Variants in LGSN observed in about 807,000 individuals in gnomAD.
LGSN encodes lengsin, lens protein with glutamine synthetase domain.
A neutral mutation model predicts 19.5 loss-of-function variants in LGSN; 21 were observed. That is an observed-to-expected ratio of 1.07 (90% CI 0.76 to 1.55). LGSN has a LOEUF of 1.55. Ranked by LOEUF, LGSN falls within the 40% of genes most tolerant of loss-of-function variation. LGSN has a pLI of 0.00. For missense variants in LGSN, 673 were observed against 608.5 expected (o/e 1.11, Z -1.12); for synonymous variants, 257 against 215.6 (o/e 1.19, Z -1.68).
the LGSN span, among the ~76,000 whole-genome samples, chr6:63,554,339 T>C: frequency 6.6e-6 from 1 of 152,170 alleles, no homozygotes. Context: ...GAGTATCTTG[T>C]CCAGAACTTG....
chr6:63,540,633 AAAAAG>A, the LGSN span, among the ~76,000 whole-genome samples: 1 of 151,952 alleles, frequency 6.6e-6, no homozygotes, highest in African/African-American at 2.4e-5. Context: ...TCACAAATGA[AAAAAG>A]AAAAGAAAAA....
At chr6:63,545,217 C>T in the LGSN span, among the ~76,000 whole-genome samples, 4 of 152,176 alleles carry the variant, frequency 2.6e-5, no homozygotes, top group Non-Finnish European at 2.9e-5. Flanking sequence ...TTTGGGGCAA[C>T]TGGAAGTCTC....
chr6:63,461,379 G>A, the LGSN span, among the ~76,000 whole-genome samples: 6 of 152,084 alleles, frequency 3.9e-5, no homozygotes, highest in African/African-American at 1.2e-4. Flanking sequence ...GTTTTCTCTT[G>A]TTCTCCATTT....
chr6:63,372,668 G>A, the LGSN span, among the ~76,000 whole-genome samples: 1 of 151,894 alleles, frequency 6.6e-6, no homozygotes, highest in Non-Finnish European at 1.5e-5. Context: ...TGAAAGCAAA[G>A]AATAAAATAG....
chr6:63,532,957 C>A, the LGSN span, among the ~76,000 whole-genome samples: 1 of 152,156 alleles, frequency 6.6e-6, no homozygotes, highest in Non-Finnish European at 1.5e-5. Flanking sequence ...AGCCTTCATC[C>A]TATGGCATGG....
the LGSN span, among the ~76,000 whole-genome samples, chr6:63,393,080 G>A: frequency 6.6e-6 from 1 of 151,620 alleles, no homozygotes; most frequent in East Asian, 2.0e-4. Flanking sequence ...GTAGAGACGG[G>A]GTTTCACCGC....
the LGSN span, chr6:63,572,451 A>C: frequency 2.2e-5 from 8 of 357,828 alleles, no homozygotes; most frequent in Admixed American, 4.7e-5. Flanking sequence ...CGCGCCGGCT[A>C]TAAAGGGGAG....
chr6:63,440,322 G>A, the LGSN span, among the ~76,000 whole-genome samples: 2 of 152,210 alleles, frequency 1.3e-5, no homozygotes, highest in Non-Finnish European at 2.9e-5. Flanking sequence ...AGGTGGAGGA[G>A]CCTGGCCTCC....
the LGSN span, among the ~76,000 whole-genome samples, chr6:63,540,898 G>A: frequency 6.6e-6 from 1 of 151,720 alleles, no homozygotes; most frequent in Non-Finnish European, 1.5e-5. Context: ...AACTACTCGG[G>A]AGGCTGAGGT....
chr6:63,327,336 AC>A, the LGSN span, among the ~76,000 whole-genome samples: 1 of 152,198 alleles, frequency 6.6e-6, no homozygotes. Context: ...CTGCCATGGG[AC>A]CTAGAAAGGG....
chr6:63,535,679 T>C, the LGSN span, among the ~76,000 whole-genome samples: 1 of 152,100 alleles, frequency 6.6e-6, no homozygotes, highest in Non-Finnish European at 1.5e-5. Flanking sequence ...CATAAACACA[T>C]TTATAGTAGT....
At chr6:63,455,286 C>T in the LGSN span, among the ~76,000 whole-genome samples, 3 of 152,242 alleles carry the variant, frequency 2.0e-5, no homozygotes, top group African/African-American at 7.2e-5. Flanking sequence ...CACCCATGCC[C>T]AAGGGCAATT....
chr6:63,450,334 C>T, the LGSN span, among the ~76,000 whole-genome samples: 1 of 151,656 alleles, frequency 6.6e-6, no homozygotes, highest in African/African-American at 2.4e-5. Flanking sequence ...GCACTCCAGC[C>T]TGGGCGACAG....
chr6:63,396,250 C>T, the LGSN span: 1 of 166,094 alleles, frequency 6.0e-6, no homozygotes, highest in African/African-American at 2.4e-5. Context: ...TAGGGTAAAA[C>T]TTGGGGAAGA....
chr6:63,366,436 A>G, the LGSN span, among the ~76,000 whole-genome samples: 30 of 152,310 alleles, frequency 2.0e-4, no homozygotes, highest in Admixed American at 5.9e-4. Context: ...AACGAAATAA[A>G]AGAGGACAGA....
At chr6:63,424,752 A>C in the LGSN span, among the ~76,000 whole-genome samples, 1 of 151,986 alleles carries the variant, frequency 6.6e-6, no homozygotes, top group Non-Finnish European at 1.5e-5. Context: ...TCTCTACAAA[A>C]AGTTTAAAAA....
chr6:63,456,367 A>ACTTTTTTTTTTTTTTTGG, the LGSN span, among the ~76,000 whole-genome samples: 1 of 32,814 alleles, frequency 3.0e-5, no homozygotes, highest in Non-Finnish European at 1.0e-4. Flanking sequence ...ATATATATAT[A>ACTTTTTTTTTTTTTTTGG]TATATATATA....
the LGSN span, among the ~76,000 whole-genome samples, chr6:63,515,511 G>A: frequency 4.6e-5 from 7 of 152,272 alleles, no homozygotes; most frequent in Non-Finnish European, 7.4e-5. Context: ...GATTATAGGC[G>A]TGAGCCACCC....
the LGSN span, among the ~76,000 whole-genome samples, chr6:63,569,655 A>G: frequency 1.5e-4 from 23 of 152,218 alleles, no homozygotes; most frequent in Non-Finnish European, 1.5e-5. Context: ...GCCTATCGTG[A>G]TGAGGTTAAG....
Sources: allele counts gnomAD v4.1 joint callset (sites outside exome capture counted in the v4.1 genomes callset), GRCh38; gene constraint gnomAD v4.1.1; transcripts MANE v1.5; gene names NCBI Gene and HGNC (gene_info 2026-07-23, HGNC 2026-07-21).